ACSS3: variants seen among roughly 807,000 people sequenced by gnomAD.
ACSS3 encodes acyl-CoA synthetase short-chain family member 3, mitochondrial.
A neutral mutation model predicts 84.2 loss-of-function variants in ACSS3; 64 were observed. The ratio of observed to expected loss-of-function variants is 0.76; its 90% CI spans 0.62 to 0.94. ACSS3 has a LOEUF of 0.94. ACSS3 is among the 40% of genes least tolerant of loss of function. The pLI is 0.00. For missense variants in ACSS3, 815 were observed against 867.6 expected, an observed-to-expected ratio of 0.94 and a Z score of 0.76; for synonymous variants, 317 against 310.1, an observed-to-expected ratio of 1.02 and a Z score of -0.23.
intron 8 of ACSS3, among the ~76,000 whole-genome samples, chr12:81,186,078 T>C (rs1405775910): frequency 6.6e-6 from 1 of 151,680 alleles, no homozygotes; most frequent in Non-Finnish European, 1.5e-5. Flanking sequence ...CAACTAAGTC[T>C]TGACAAGCAC....
rs11114786 is a variant in ACSS3 at position 81,196,822 on chromosome 12, C to T, written c.1251-2519C>T. On this transcript the variant is annotated intron_variant, in intron 8 of 15. Transcript: ENST00000548058. ...CTGGCTCTTTAAACCAGCTGTCATG[C>T]GAATAAGTAGAGTAAGTGAGGACTT... is the stretch of plus-strand genomic sequence containing the variant. Among the ~76,000 whole-genome samples, 381 of 151,998 alleles carry T rather than the reference C, an allele frequency of 2.5e-3. 1 individual carries two copies. Among genetic ancestry groups the T allele is most frequent in the Middle Eastern group, 0.01 (3 of 294 alleles).
chr12:81,101,752 A>ATTTT (rs1465974196), intron 1 of ACSS3, among the ~76,000 whole-genome samples: 5 of 151,990 alleles, frequency 3.3e-5, no homozygotes, highest in Admixed American at 3.3e-4. Flanking sequence ...ACTATGTATG[A>ATTTT]TTTTTTTAAT....
rs1168736326 is a variant in ACSS3, at chr12:81,120,277, AAAG to A, written c.456+10577_456+10579del. On this transcript the variant is annotated intron_variant, in intron 2 of 15. Coordinates refer to ENST00000548058, the MANE Select transcript of ACSS3 (RefSeq NM_024560.4). ...AATATAGAAAGATTGTTGGAGAATA[AAAG>A]AAGGAGACAGGCAGTCTAAGTTTAG... Among the ~76,000 whole-genome samples the A allele has an allele frequency of 2.6e-5, 4 of 152,360 alleles. No individual in the cohort carries two copies. The East Asian group carries it at 5.8e-4, about 22-fold the overall frequency.
intron 7 of ACSS3, among the ~76,000 whole-genome samples, chr12:81,162,590 C>A (rs567017984): frequency 1.5e-4 from 23 of 152,294 alleles, no homozygotes; most frequent in Middle Eastern, 3.4e-3. Flanking sequence ...GACAGCCCTG[C>A]TCTCAGGTTT....
intron 2 of ACSS3, among the ~76,000 whole-genome samples, chr12:81,130,108 T>C (rs369812500): frequency 6.6e-6 from 1 of 152,182 alleles, no homozygotes; most frequent in African/African-American, 2.4e-5. Flanking sequence ...GTCTTTATGG[T>C]AGCATGATTT....
At chr12:81,166,531 G>A (rs571501557) in intron 7 of ACSS3, among the ~76,000 whole-genome samples, 17 of 152,260 alleles carry the variant, frequency 1.1e-4, no homozygotes, top group South Asian at 2.1e-4. Flanking sequence ...TTAGAAATTG[G>A]AGTCAACAGG....
chr12:81,253,550 G>T lies in ACSS3; in HGVS notation c.1875G>T (p.Gln625His). The T allele has an allele frequency of 1.2e-6, 2 of 1,613,968 alleles. No homozygotes were observed. The highest frequency in any genetic ancestry group is 2.2e-5 in the South Asian group (2 of 91,078). The change falls in exon 15 of 16, where the codon CAG becomes CAT. Residue 625 changes from glutamine (Q) to histidine (H), a missense_variant. Physicochemically the swap from Gln to His is conservative, Grantham distance 24. Transcript: ENST00000548058. ...VLEEIVKHVRQNIGPVAAFRN... is the reference protein window; with the variant it reads ...VLEEIVKHVRHNIGPVAAFRN... The stretch of plus-strand genomic sequence containing the variant: ...AAGAAATTGTGAAACACGTTAGACA[G>T]AACATTGGCCCTGTGGCTGCTTTTC...
At chr12:81,171,214 A>T (rs2030018650) in intron 7 of ACSS3, among the ~76,000 whole-genome samples, 1 of 152,092 alleles carries the variant, frequency 6.6e-6, no homozygotes, top group Admixed American at 6.6e-5. Flanking sequence ...AGTGTTGCTC[A>T]CTTTATTATT....
chr12:81,141,953 T>A (rs1250644439), intron 4 of ACSS3, among the ~76,000 whole-genome samples: 1 of 152,196 alleles, frequency 6.6e-6, no homozygotes, highest in Non-Finnish European at 1.5e-5. Context: ...TATAAATGTG[T>A]TTATTCATAC....
At chr12:81,191,801 A>ACAGTTG (rs1420166905) in intron 8 of ACSS3, among the ~76,000 whole-genome samples, 1 of 151,810 alleles carries the variant, frequency 6.6e-6, no homozygotes, top group Non-Finnish European at 1.5e-5. Context: ...CTTTTTTTTC[A>ACAGTTG]CAGTTGCAGT....
At chr12:81,194,691 C>T (rs529940677) in intron 8 of ACSS3, among the ~76,000 whole-genome samples, 83 of 151,972 alleles carry the variant, frequency 5.5e-4, no homozygotes, top group Non-Finnish European at 9.7e-4. Flanking sequence ...AGTTTAGGAA[C>T]AAAAGCAATA....
At chr12:81,225,801 C>T (rs2066443238) in intron 11 of ACSS3, among the ~76,000 whole-genome samples, 1 of 151,894 alleles carries the variant, frequency 6.6e-6, no homozygotes, top group African/African-American at 2.4e-5. Flanking sequence ...GAATACCAAA[C>T]ACCTAACAAA....
At chr12:81,170,189 TG>T (rs1253469892) in intron 7 of ACSS3, among the ~76,000 whole-genome samples, 1 of 152,136 alleles carries the variant, frequency 6.6e-6, no homozygotes, top group Non-Finnish European at 1.5e-5. Context: ...TTTTGCTAAG[TG>T]GTTGTATTTC....
intron 11 of ACSS3, among the ~76,000 whole-genome samples, chr12:81,230,769 A>G (rs147216394): frequency 1.5e-3 from 223 of 151,980 alleles, no homozygotes; most frequent in Non-Finnish European, 1.3e-3. Flanking sequence ...TGCAGATATT[A>G]TGTTTTTCAC....
At chr12:81,139,478 T>G (rs1232825269) in intron 4 of ACSS3, among the ~76,000 whole-genome samples, 2 of 151,770 alleles carry the variant, frequency 1.3e-5, no homozygotes, top group Non-Finnish European at 2.9e-5. Flanking sequence ...ATGTGTGAGA[T>G]TAATGAATTG....
chr12:81,151,788 A>C, intron 5 of ACSS3, 56 bp from the exon 6 acceptor site: 4 of 1,474,532 alleles, frequency 2.7e-6, no homozygotes, highest in Non-Finnish European at 3.8e-6. Flanking sequence ...CTATGAAGAT[A>C]GAGAGTGTTT....
At chr12:81,092,988 G>T (rs982648152) in intron 1 of ACSS3, among the ~76,000 whole-genome samples, 5 of 147,862 alleles carry the variant, frequency 3.4e-5, no homozygotes, top group African/African-American at 1.3e-4. Flanking sequence ...CTATGTCTAG[G>T]TTATGTTTGT....
At chr12:81,200,521 G>A (rs1019578352) in intron 9 of ACSS3, among the ~76,000 whole-genome samples, 5 of 152,164 alleles carry the variant, frequency 3.3e-5, no homozygotes, top group African/African-American at 9.7e-5. Flanking sequence ...GAAATGCAGT[G>A]TTTGATACTT....
At chr12:81,135,297 A>G (rs1885730351) in intron 3 of ACSS3, among the ~76,000 whole-genome samples, 1 of 132,400 alleles carries the variant, frequency 7.6e-6, no homozygotes, top group Middle Eastern at 3.5e-3. Context: ...TATATATTAT[A>G]ATATATATTA....
Sources: gnomAD v4.1 joint callset for allele counts (sites outside exome capture counted in the v4.1 genomes callset) on GRCh38, gnomAD v4.1.1 for gene constraint, MANE v1.5 for transcripts, NCBI Gene and HGNC (gene_info 2026-07-23, HGNC 2026-07-21) for gene names.